The following DNAH9 variants were observed in gnomAD, a reference collection of about 807,000 sequenced individuals.
DNAH9 encodes the protein dynein axonemal heavy chain 9, also known as DNAH9 variant protein.
In DNAH9, 345 loss-of-function variants were observed where a neutral mutation model predicts 471.6. The observed-to-expected ratio is 0.73, with a 90% CI of 0.67 to 0.80. The LOEUF is 0.80. Ranked by LOEUF, DNAH9 falls within the 30% of genes least tolerant of loss-of-function variation. DNAH9 has a pLI of 0.00. For synonymous variants in DNAH9, 2,093 were observed against 2,123.6 expected (o/e 0.99, Z 0.40); for missense variants, 5,407 against 5,609.2 (o/e 0.96, Z 1.15).
At chr17:11,827,056 C>T (rs1417280120) in intron 48 of DNAH9, among the ~76,000 whole-genome samples, 3 of 151,978 alleles carry the variant, frequency 2.0e-5, no homozygotes, top group Non-Finnish European at 4.4e-5. Flanking sequence ...ATCTCTTAAC[C>T]TCAAGTGATC....
intron 67 of DNAH9, among the ~76,000 whole-genome samples, chr17:11,947,341 AAC>A (rs1975163985): frequency 6.6e-6 from 1 of 152,236 alleles, no homozygotes; most frequent in Admixed American, 6.5e-5. Context: ...ATATACTGAC[AAC>A]AGACTGCCCA....
chr17:11,798,584 A>G (rs1969342359), intron 43 of DNAH9, among the ~76,000 whole-genome samples: 1 of 152,080 alleles, frequency 6.6e-6, no homozygotes, highest in South Asian at 2.1e-4. Flanking sequence ...CCTCCAAGAC[A>G]GTCTAGCCTC....
At chr17:11,787,724 G>A (rs908850819) in intron 41 of DNAH9, among the ~76,000 whole-genome samples, 5 of 152,086 alleles carry the variant, frequency 3.3e-5, no homozygotes, top group Non-Finnish European at 7.4e-5. Flanking sequence ...GTTGTGGGAG[G>A]GACCAGTGAG....
chr17:11,675,442 C>T (rs1567710607), intron 17 of DNAH9, among the ~76,000 whole-genome samples: 1 of 152,094 alleles, frequency 6.6e-6, no homozygotes, highest in African/African-American at 2.4e-5. Flanking sequence ...TGTCTCTTAT[C>T]TTACCACTCT....
intron 49 of DNAH9, among the ~76,000 whole-genome samples, chr17:11,847,287 C>T (rs1971259610): frequency 6.6e-6 from 1 of 152,062 alleles, no homozygotes; most frequent in Non-Finnish European, 1.5e-5. Context: ...CTTGCTCATT[C>T]CTATGTCCAG....
chr17:11,759,189 G>A (rs768483622), intron 35 of DNAH9, among the ~76,000 whole-genome samples: 8 of 151,262 alleles, frequency 5.3e-5, no homozygotes, highest in Non-Finnish European at 8.8e-5. Flanking sequence ...ATATGGCATA[G>A]TGGTGAAGTC....
intron 17 of DNAH9, among the ~76,000 whole-genome samples, chr17:11,674,025 T>C (rs9905459): frequency 0.02 from 3,115 of 152,344 alleles, 86 homozygotes; most frequent in South Asian, 0.11. Context: ...TTGAGATTTA[T>C]CCAGGTTGAC....
At chr17:11,881,565 G>A in intron 55 of DNAH9, 152 bp downstream of exon 55, 1 of 731,556 alleles carries the variant, frequency 1.4e-6, no homozygotes, top group Non-Finnish European at 2.2e-6. Context: ...AGCAACCTGG[G>A]AATACCATAC....
intron 17 of DNAH9, among the ~76,000 whole-genome samples, chr17:11,673,332 C>T (rs1245363727): frequency 6.6e-6 from 1 of 152,216 alleles, no homozygotes; most frequent in African/African-American, 2.4e-5. Flanking sequence ...TATTCAACCA[C>T]CTCTCCCATG....
At chr17:11,904,901 T>C (rs778873830) in intron 60 of DNAH9, among the ~76,000 whole-genome samples, 24 of 151,896 alleles carry the variant, frequency 1.6e-4, no homozygotes, top group African/African-American at 1.7e-4. Context: ...GGAACACTGG[T>C]AAGTGGAGTG....
At position 11,699,736 on chromosome 17, in the gene DNAH9, A is replaced by G; in HGVS notation, c.4878A>G (p.Gln1626=). ...LSNGTAPQQV[Q]RHLSKLFDNM... is the part of the protein sequence containing the mutation. ...GGCCTGGTTTCCCTTCATAGGTTCA[A>G]CGTCACCTTTCCAAACTCTTTGACA... The change falls in exon 23 of 69, where the codon CAA becomes CAG. Residue 1626 remains glutamine (Q), a synonymous_variant. Transcript: ENST00000262442. The G allele has an allele frequency of 6.2e-7, 1 of 1,614,174 alleles. No individual in the cohort carries two copies. The highest frequency in any genetic ancestry group is 8.5e-7 in the Non-Finnish European group (1 of 1,180,026).
At chr17:11,885,847 T>C (rs943990794) in intron 56 of DNAH9, among the ~76,000 whole-genome samples, 3 of 152,236 alleles carry the variant, frequency 2.0e-5, no homozygotes, top group Non-Finnish European at 2.9e-5. Context: ...AATTGTTTAT[T>C]ATGAGAACAT....
chr17:11,916,737 C>T (rs1973972523), intron 61 of DNAH9, among the ~76,000 whole-genome samples: 1 of 151,846 alleles, frequency 6.6e-6, no homozygotes, highest in African/African-American at 2.4e-5. Context: ...TTCTTTACTC[C>T]TTCATTTACG....
In DNAH9 at chr17:11,942,334, G is replaced by C. The variant is rs771748229; in HGVS notation, c.12692G>C (p.Arg4231Pro). 1.9e-6 allele frequency: 3 copies of C among 1,614,082 alleles called. No homozygotes were observed. Among genetic ancestry groups the C allele is most frequent in the South Asian group, 2.2e-5 (2 of 91,076 alleles). The change falls in exon 67 of 69, where the codon CGG (arginine) becomes CCG (proline). Residue 4231 changes from arginine to proline, a missense_variant. By Grantham distance (103) the Arg-to-Pro change is moderately radical (BLOSUM62 -2). Coordinates refer to ENST00000262442, the MANE Select transcript of DNAH9 (RefSeq NM_001372.4). ...GCACTTCTGGAAGAAATATTGGAGC[G>C]GGTGACAGACGAGTTTAACATCCCA... The part of the protein sequence containing the change: ...VKALLEEILE[R>P]VTDEFNIPEL...
At chr17:11,726,820 G>A (rs145195881) in intron 27 of DNAH9, among the ~76,000 whole-genome samples, 412 of 152,158 alleles carry the variant, frequency 2.7e-3, no homozygotes, top group Admixed American at 4.6e-3. Flanking sequence ...AGGCCAAGGC[G>A]GGTTGATTGC....
At chr17:11,834,577 TC>T in intron 48 of DNAH9, 60 bp from the exon 49 acceptor site, 1 of 1,594,308 alleles carries the variant, frequency 6.3e-7, no homozygotes, top group Non-Finnish European at 8.5e-7. Flanking sequence ...CAGTGACTAG[TC>T]CAGTGCCCAC....
At chr17:11,643,113 T>C (rs933040747) in intron 10 of DNAH9, among the ~76,000 whole-genome samples, 2 of 152,258 alleles carry the variant, frequency 1.3e-5, no homozygotes, top group South Asian at 4.1e-4. Flanking sequence ...GAATTAAAGA[T>C]ACTTCACCAA....
intron 61 of DNAH9, among the ~76,000 whole-genome samples, chr17:11,909,887 T>C (rs1973736028): frequency 6.6e-6 from 1 of 152,224 alleles, no homozygotes; most frequent in Non-Finnish European, 1.5e-5. Flanking sequence ...CTACATCCAC[T>C]AGCCATTACT....
chr17:11,671,820 A>T (rs1242944987), intron 17 of DNAH9, among the ~76,000 whole-genome samples: 2 of 152,136 alleles, frequency 1.3e-5, no homozygotes, highest in East Asian at 3.9e-4. Context: ...GGCTTTAAAG[A>T]TCTAATGGGG....
Sources: gnomAD v4.1 joint callset for allele counts (sites outside exome capture counted in the v4.1 genomes callset) on GRCh38, gnomAD v4.1.1 for gene constraint, MANE v1.5 for transcripts, NCBI Gene and HGNC (gene_info 2026-07-23, HGNC 2026-07-21) for gene names.